Variants in ZFP91 observed in about 807,000 individuals in gnomAD.
ZFP91 encodes ZFP91 zinc finger protein, atypical E3 ubiquitin ligase.
ZFP91 carries 7 observed loss-of-function variants against 63.5 expected under a neutral mutation model. The observed-to-expected ratio is 0.11, with a 90% CI of 0.06 to 0.21. The LOEUF (loss-of-function observed/expected upper bound fraction) is 0.21. Among genes scored for constraint, ZFP91 ranks in the 10% least tolerant of loss-of-function variants. The probability of loss-of-function intolerance (pLI) is 1.00; values close to 1 mark genes in which losing one functional copy is unlikely to be tolerated. For missense variants in ZFP91, 628 were observed against 736.6 expected (o/e 0.85, Z 1.71); for synonymous variants, 330 against 272.1 (o/e 1.21, Z -2.10).
chr11:58,588,063 A>G (rs767324748), intron 2 of ZFP91, among the ~76,000 whole-genome samples: 31 of 152,134 alleles, frequency 2.0e-4, no homozygotes, highest in Non-Finnish European at 3.8e-4. Flanking sequence ...TACCTAACCT[A>G]TTTGACTTAT....
At position 58,618,034 on chromosome 11, in the gene ZFP91, A is replaced by G. The variant is rs1014937776; in HGVS notation, c.*328A>G. 7 of 226,902 alleles carry G rather than the reference A, an allele frequency of 3.1e-5. No homozygotes were observed. The highest frequency in any genetic ancestry group is 1.6e-4 in the African/African-American group (7 of 44,130). The allele number at this position is 226,902 out of a possible 1,614,324, so 14.1% of individuals were successfully genotyped here. ...GCTCATCGGCAGATCCCCCTTTCCA[A>G]CCTGTAACTCTGATGTGCTCTGGAT... On this transcript the variant is annotated 3_prime_UTR_variant, in exon 11 of 11. Transcript: ENST00000316059.
At chr11:58,604,256 A>AT (rs1284205477) in intron 2 of ZFP91, among the ~76,000 whole-genome samples, 1 of 152,184 alleles carries the variant, frequency 6.6e-6, no homozygotes, top group Non-Finnish European at 1.5e-5. Context: ...CTAATCCACT[A>AT]TGACTGATGT....
intron 2 of ZFP91, among the ~76,000 whole-genome samples, chr11:58,604,131 C>G (rs1855534010): frequency 6.6e-6 from 1 of 152,100 alleles, no homozygotes; most frequent in African/African-American, 2.4e-5. Flanking sequence ...TTTTATCCCT[C>G]CAAAAATGTG....
intron 1 of ZFP91, among the ~76,000 whole-genome samples, chr11:58,584,385 G>C (rs1246112291): frequency 1.3e-5 from 2 of 152,044 alleles, no homozygotes; most frequent in Non-Finnish European, 2.9e-5. Context: ...TGCTTGCTAT[G>C]TCCATCCTCC....
chr11:58,579,810 C>T (rs767273971), intron 1 of ZFP91, among the ~76,000 whole-genome samples, 188 bp downstream of exon 1: 6 of 152,108 alleles, frequency 3.9e-5, no homozygotes, highest in Non-Finnish European at 8.8e-5. Flanking sequence ...TCATCTCGCT[C>T]CTGTACCTTC....
At chr11:58,609,031 G>C (rs1855613997) in intron 2 of ZFP91, among the ~76,000 whole-genome samples, 1 of 152,106 alleles carries the variant, frequency 6.6e-6, no homozygotes, top group Admixed American at 6.5e-5. Context: ...TTCCCGTTCT[G>C]AGTTTATTAA....
chr11:58,617,070 TTGTGTGTGTG>T lies in ZFP91; in HGVS notation c.1203-106_1203-97del, dbSNP rs143676081. The T allele has an allele frequency of 2.7e-5, 20 of 740,516 alleles. No individual in the cohort carries two copies. The highest frequency in any genetic ancestry group is 4.1e-5 in the South Asian group (2 of 49,028). The allele number at this position is 740,516 out of a possible 1,614,324, so 45.9% of individuals were successfully genotyped here. On this transcript the variant is annotated intron_variant, in intron 10 of 10. Coordinates refer to ENST00000316059, the MANE Select transcript of ZFP91 (RefSeq NM_053023.5). The surrounding 1 kb of genome is among the most constrained non-coding windows in gnomAD (Gnocchi z 4.2). The stretch of plus-strand genomic sequence containing the variant: ...TTCAAAAGAAGTATGTTACTGATTA[TTGTGTGTGTG>T]TGTGTGTGTGTGTGTGTGTATGTAT...
intron 2 of ZFP91, among the ~76,000 whole-genome samples, chr11:58,608,550 A>G (rs747067758): frequency 5.3e-5 from 8 of 152,050 alleles, no homozygotes; most frequent in Non-Finnish European, 8.8e-5. Context: ...GTGTCATGCT[A>G]TCGTTTTCAT....
intron 2 of ZFP91, among the ~76,000 whole-genome samples, chr11:58,587,308 G>C (rs778496025): frequency 3.3e-5 from 5 of 152,116 alleles, no homozygotes; most frequent in African/African-American, 4.8e-5. Context: ...CTAGGCACTG[G>C]ATTCTACTGG....
At chr11:58,616,878 C>A in intron 10 of ZFP91, 63 bp downstream of exon 10, 1 of 1,486,274 alleles carries the variant, frequency 6.7e-7, no homozygotes, top group African/African-American at 1.4e-5. Context: ...TGAAGGTTTG[C>A]CGCTTTACAA....
chr11:58,610,197 A>G, intron 3 of ZFP91, 101 bp from the exon 4 acceptor site: 2 of 1,440,454 alleles, frequency 1.4e-6, no homozygotes, highest in Non-Finnish European at 1.9e-6. Context: ...GCTTTTGTAT[A>G]ATTACCCCAT....
chr11:58,583,881 A>AC (rs1198978980), intron 1 of ZFP91, among the ~76,000 whole-genome samples: 11 of 152,156 alleles, frequency 7.2e-5, no homozygotes, highest in African/African-American at 2.6e-4. Flanking sequence ...TTGTAACATA[A>AC]TAGAGTCTTT....
At chr11:58,616,613 C>G in intron 9 of ZFP91, 103 bp from the exon 10 acceptor site, 1 of 820,632 alleles carries the variant, frequency 1.2e-6, no homozygotes, top group Non-Finnish European at 1.9e-6. Flanking sequence ...AACAGCATTG[C>G]TTTTACTCTA....
chr11:58,594,504 C>T (rs1855363444), intron 2 of ZFP91, among the ~76,000 whole-genome samples: 1 of 152,232 alleles, frequency 6.6e-6, no homozygotes, highest in Admixed American at 6.5e-5. Context: ...AGAACTAATT[C>T]ACCTAATGCC....
intron 2 of ZFP91, among the ~76,000 whole-genome samples, chr11:58,596,212 G>A (rs1199108348): frequency 6.6e-6 from 1 of 152,140 alleles, no homozygotes; most frequent in Non-Finnish European, 1.5e-5. Flanking sequence ...TAAGTGGATC[G>A]TTATAAGGTC....
intron 9 of ZFP91, among the ~76,000 whole-genome samples, chr11:58,615,176 A>T (rs78176302): frequency 0.14 from 21,430 of 152,202 alleles, 1,748 homozygotes; most frequent in Admixed American, 0.19. Context: ...AAATGAGATA[A>T]CATAAAATGC....
At chr11:58,614,427 TAA>T (rs1855717032) in intron 9 of ZFP91, 84 bp downstream of exon 9, 1 of 1,027,252 alleles carries the variant, frequency 9.7e-7, no homozygotes, top group African/African-American at 1.6e-5. Context: ...TTTTCTAACA[TAA>T]GTCTTAAAAG....
At chr11:58,585,860 C>T (rs1165090902) in intron 2 of ZFP91, among the ~76,000 whole-genome samples, 1 of 152,128 alleles carries the variant, frequency 6.6e-6, no homozygotes, top group Non-Finnish European at 1.5e-5. Context: ...AATTTAAGAA[C>T]CAATAACTTG....
intron 9 of ZFP91, among the ~76,000 whole-genome samples, chr11:58,615,347 C>T (rs1376608660): frequency 1.3e-5 from 2 of 152,262 alleles, no homozygotes; most frequent in Non-Finnish European, 2.9e-5. Flanking sequence ...GTTCCTTCTG[C>T]TCCCTGTTAA....
Sources: allele counts gnomAD v4.1 joint callset (sites outside exome capture counted in the v4.1 genomes callset), GRCh38; gene constraint gnomAD v4.1.1; non-coding constraint Gnocchi (gnomAD v3.1); transcripts MANE v1.5; gene names NCBI Gene and HGNC (gene_info 2026-07-23, HGNC 2026-07-21).